Variants in MYO5B observed in about 807,000 individuals in gnomAD.
MYO5B encodes myosin VB, also known as unconventional myosin-Vb.
Under a neutral mutation model 229.3 loss-of-function variants are expected in MYO5B, and 143 were observed. The ratio of observed to expected loss-of-function variants is 0.62; its 90% confidence interval spans 0.54 to 0.72. The LOEUF is 0.72. Among genes scored for constraint, MYO5B ranks in the 30% least tolerant of loss-of-function variants. The probability of loss-of-function intolerance (pLI) is 0.00; values close to 1 mark genes in which losing one functional copy is unlikely to be tolerated. For synonymous variants in MYO5B, 918 were observed against 885.2 expected (o/e 1.04, Z -0.66); for missense variants, 2,321 against 2,331.0 (o/e 1.00, Z 0.09).
chr18:50,178,137 G>A (rs1248275077), intron 1 of MYO5B, among the ~76,000 whole-genome samples: 4 of 152,196 alleles, frequency 2.6e-5, no homozygotes, highest in Non-Finnish European at 5.9e-5. Context: ...CTGAGTGGAA[G>A]ACATCTCTGC....
intron 25 of MYO5B, among the ~76,000 whole-genome samples, chr18:49,877,428 T>A (rs2024538802): frequency 6.6e-6 from 1 of 152,262 alleles, no homozygotes; most frequent in Admixed American, 6.5e-5. Flanking sequence ...TTGTATCTAT[T>A]TTAATGACTT....
At chr18:50,142,018 ACTTT>A (rs1341174930) in intron 1 of MYO5B, among the ~76,000 whole-genome samples, 6 of 152,190 alleles carry the variant, frequency 3.9e-5, no homozygotes, top group African/African-American at 1.4e-4. Context: ...GACCAATGAG[ACTTT>A]CTTTACTCTG....
rs1419507190 is a variant in MYO5B at position 49,856,835 on chromosome 18, G to A, written c.4000C>T (p.Gln1334Ter). ...NEDGELGLAYQGLKQVARLLE... is the reference protein window; with the variant it reads ...NEDGELGLAY ...CACCTGGCAACTTGCTTTAGGCCTT[G>A]GTAGGCCAAGCCGAGTTCTCCATCT... is the stretch of plus-strand genomic sequence containing the variant. The change falls in exon 30 of 40, where the codon CAA becomes TAA. Residue 1334 changes from glutamine (Q) to a stop codon, truncating the protein, a stop_gained. Transcript: ENST00000285039. LOFTEE classifies it high-confidence loss of function. 1 of 1,614,036 alleles carries A rather than the reference G, an allele frequency of 6.2e-7. No individual in the cohort carries two copies. Among genetic ancestry groups the A allele is most frequent in the Non-Finnish European group, 8.5e-7 (1 of 1,179,848 alleles).
chr18:50,122,635 GAGAGA>G (rs2032084271), intron 1 of MYO5B, among the ~76,000 whole-genome samples: 1 of 6,098 alleles, frequency 1.6e-4, no homozygotes, highest in African/African-American at 8.8e-4. Context: ...AAGGGGGGGG[GAGAGA>G]GAGAGAGAGA....
chr18:49,954,253 C>T (rs2025466085), intron 13 of MYO5B, 60 bp downstream of exon 13: 3 of 1,603,572 alleles, frequency 1.9e-6, no homozygotes, highest in South Asian at 2.2e-5. Context: ...GTCTAGAGCC[C>T]ATTGAGTCTA....
chr18:49,994,266 GCA>G (rs570954565), intron 5 of MYO5B, among the ~76,000 whole-genome samples: 1 of 152,280 alleles, frequency 6.6e-6, no homozygotes, highest in South Asian at 2.1e-4. Flanking sequence ...ATCTGCTTCA[GCA>G]CAGACTCTGT....
chr18:50,006,810 A>T (rs531001183), intron 4 of MYO5B, among the ~76,000 whole-genome samples: 1 of 152,252 alleles, frequency 6.6e-6, no homozygotes, highest in Non-Finnish European at 1.5e-5. Flanking sequence ...AGGCCTGCTG[A>T]TCAGCCAGGG....
At chr18:50,062,063 A>G (rs1253285753) in intron 1 of MYO5B, among the ~76,000 whole-genome samples, 2 of 152,222 alleles carry the variant, frequency 1.3e-5, no homozygotes, top group Admixed American at 6.5e-5. Flanking sequence ...TAAGTCCTCC[A>G]CTGTCTACCC....
intron 1 of MYO5B, among the ~76,000 whole-genome samples, chr18:50,069,167 C>T (rs2852097): frequency 0.42 from 63,855 of 151,598 alleles, 13,921 homozygotes; most frequent in East Asian, 0.63. Context: ...CAATGTTCCC[C>T]GGTTAAAAAA....
chr18:49,933,671 A>G (rs1158121865), intron 16 of MYO5B, among the ~76,000 whole-genome samples: 3 of 152,202 alleles, frequency 2.0e-5, no homozygotes, highest in South Asian at 4.1e-4. Context: ...TCAACATCCT[A>G]TGATGCACAG....
intron 1 of MYO5B, among the ~76,000 whole-genome samples, chr18:50,190,618 C>A (rs894005906): frequency 6.2e-5 from 1 of 16,170 alleles, no homozygotes; most frequent in Admixed American, 1.1e-3. Flanking sequence ...CCTTTGGCCC[C>A]CGACCTACCA....
At chr18:50,167,651 T>G (rs2032870659) in intron 1 of MYO5B, among the ~76,000 whole-genome samples, 1 of 152,334 alleles carries the variant, frequency 6.6e-6, no homozygotes, top group African/African-American at 2.4e-5. Flanking sequence ...CCCTGCTGGC[T>G]GTTTAGGATC....
intron 1 of MYO5B, among the ~76,000 whole-genome samples, chr18:50,105,566 T>C (rs2031743181): frequency 1.3e-5 from 2 of 152,194 alleles, no homozygotes; most frequent in Non-Finnish European, 2.9e-5. Flanking sequence ...ACTATAGTGA[T>C]GGAGGACAGG....
intron 1 of MYO5B, among the ~76,000 whole-genome samples, chr18:50,093,491 G>T (rs765845503): frequency 2.6e-5 from 4 of 152,200 alleles, no homozygotes; most frequent in Non-Finnish European, 5.9e-5. Flanking sequence ...TCATCATGCA[G>T]TTGTTGGAGG....
intron 5 of MYO5B, among the ~76,000 whole-genome samples, chr18:49,997,369 CTTTTTTT>C (rs34011258): frequency 5.0e-5 from 3 of 60,354 alleles, no homozygotes; most frequent in African/African-American, 7.1e-5. Context: ...TCCTTTCTTT[CTTTTTTT>C]TTTTTTTTTT....
chr18:49,854,992 C>T (rs557937828), intron 30 of MYO5B, among the ~76,000 whole-genome samples: 12 of 151,920 alleles, frequency 7.9e-5, no homozygotes, highest in Non-Finnish European at 1.5e-4. Context: ...TCACTACAGG[C>T]GATATTACCT....
rs372552774 is a variant in MYO5B, at chr18:49,944,397, G to A, written c.1753-7000C>T. Among the ~76,000 whole-genome samples the A allele has an allele frequency of 2.0e-5, 3 of 152,162 alleles. No homozygotes were observed. In the East Asian group the frequency reaches 5.8e-4, roughly 29 times the overall value. ...AACAGATCCCTGGCTACAGCATAAG[G>A]AAGAGCCCACTGCACATGAAGCCCT... On this transcript the variant is annotated intron_variant, in intron 14 of 39. Coordinates refer to ENST00000285039, the MANE Select transcript of MYO5B (RefSeq NM_001080467.3).
intron 21 of MYO5B, among the ~76,000 whole-genome samples, chr18:49,901,564 C>T (rs1031698541): frequency 1.3e-5 from 2 of 152,216 alleles, no homozygotes; most frequent in Admixed American, 6.5e-5. Context: ...CCTGCATATG[C>T]ATTAGACCAT....
At chr18:50,100,230 G>C (rs1236084316) in intron 1 of MYO5B, among the ~76,000 whole-genome samples, 1 of 152,196 alleles carries the variant, frequency 6.6e-6, no homozygotes. Flanking sequence ...GTTTCACTTT[G>C]TCATGGTTAA....
Sources: allele counts gnomAD v4.1 joint callset (sites outside exome capture counted in the v4.1 genomes callset), GRCh38; gene constraint gnomAD v4.1.1; transcripts MANE v1.5; gene names NCBI Gene and HGNC (gene_info 2026-07-23, HGNC 2026-07-21).